The following CHCHD3 variants were observed in gnomAD, a reference collection of about 807,000 sequenced individuals.
CHCHD3 encodes MICOS complex subunit MIC19.
In CHCHD3, 20 loss-of-function variants were observed where a neutral mutation model predicts 38.2. That is an observed-to-expected ratio of 0.52 (90% CI 0.37 to 0.76). The LOEUF is 0.76. Among genes scored for constraint, CHCHD3 ranks in the 30% least tolerant of loss-of-function variants. The pLI is 0.00. For missense variants in CHCHD3, 245 were observed against 279.2 expected, an observed-to-expected ratio of 0.88 and a Z score of 0.87; for synonymous variants, 82 against 100.0, an observed-to-expected ratio of 0.82 and a Z score of 1.07.
At chr7:132,910,758 G>T (rs1427390415) in intron 4 of CHCHD3, among the ~76,000 whole-genome samples, 1 of 152,214 alleles carries the variant, frequency 6.6e-6, no homozygotes. Context: ...AGGCAAGGAT[G>T]TCACTGCTCC....
chr7:132,852,034 G>A (rs1218346303), intron 5 of CHCHD3, among the ~76,000 whole-genome samples: 6 of 152,150 alleles, frequency 3.9e-5, no homozygotes, highest in African/African-American at 1.2e-4. Context: ...TAAATGATCA[G>A]CCTTACCGTA....
intron 4 of CHCHD3, among the ~76,000 whole-genome samples, chr7:132,888,501 G>A (rs1440478206): frequency 6.6e-6 from 1 of 151,798 alleles, no homozygotes; most frequent in Non-Finnish European, 1.5e-5. Flanking sequence ...AACTATAAAT[G>A]TGTGAATGTG....
intron 2 of CHCHD3, among the ~76,000 whole-genome samples, chr7:133,064,764 A>T (rs1267308408): frequency 8.5e-5 from 13 of 152,236 alleles, no homozygotes; most frequent in Non-Finnish European, 1.2e-4. Flanking sequence ...AGAAACTTCT[A>T]CAGTGAGGAT....
At chr7:132,954,891 A>C (rs1159421009) in intron 4 of CHCHD3, among the ~76,000 whole-genome samples, 1 of 152,200 alleles carries the variant, frequency 6.6e-6, no homozygotes, top group East Asian at 1.9e-4. Flanking sequence ...CACAGACTGC[A>C]TGTGTCTCAA....
chr7:132,957,863 C>G (rs892309930), intron 4 of CHCHD3, among the ~76,000 whole-genome samples: 1 of 152,186 alleles, frequency 6.6e-6, no homozygotes, highest in African/African-American at 2.4e-5. Flanking sequence ...GAAACAACTT[C>G]AGGCCACCTA....
chr7:133,014,557 C>CTT (rs35398303), intron 3 of CHCHD3, among the ~76,000 whole-genome samples: 102,021 of 151,274 alleles, frequency 0.67, 34,524 homozygotes, highest in Admixed American at 0.72. Flanking sequence ...AATGTGATGA[C>CTT]TGACTATCAT....
intron 3 of CHCHD3, among the ~76,000 whole-genome samples, chr7:132,987,165 T>C (rs1172744832): frequency 1.3e-5 from 2 of 152,114 alleles, no homozygotes; most frequent in East Asian, 1.9e-4. Flanking sequence ...TTTCAGCCTA[T>C]AGATTAGGGG....
chr7:132,957,012 T>C (rs1811191448), intron 4 of CHCHD3, among the ~76,000 whole-genome samples: 1 of 152,164 alleles, frequency 6.6e-6, no homozygotes, highest in Admixed American at 6.5e-5. Context: ...CCACCCTCAG[T>C]GTAACTGCTA....
intron 4 of CHCHD3, among the ~76,000 whole-genome samples, chr7:132,933,109 G>A (rs974576627): frequency 6.6e-6 from 1 of 152,198 alleles, no homozygotes; most frequent in African/African-American, 2.4e-5. Flanking sequence ...TCCGTTCTGA[G>A]TTAGATGAAA....
At chr7:132,857,836 CT>C (rs1808380418) in intron 5 of CHCHD3, among the ~76,000 whole-genome samples, 1 of 152,178 alleles carries the variant, frequency 6.6e-6, no homozygotes, top group African/African-American at 2.4e-5. Flanking sequence ...TTAGATACCC[CT>C]GTGTTGAAAG....
intron 4 of CHCHD3, among the ~76,000 whole-genome samples, chr7:132,897,909 G>A (rs1325727444): frequency 6.6e-6 from 1 of 152,182 alleles, no homozygotes; most frequent in African/African-American, 2.4e-5. Flanking sequence ...CTTAAAGGCA[G>A]CGTGTCCGGA....
At chr7:132,972,644 A>G (rs1308266731) in intron 4 of CHCHD3, 2 of 985,344 alleles carry the variant, frequency 2.0e-6, no homozygotes, top group East Asian at 2.3e-4. Flanking sequence ...TGCTGTGGCC[A>G]TGGCAGACCA....
At chr7:132,823,798 A>G (rs1190274594) in intron 6 of CHCHD3, among the ~76,000 whole-genome samples, 1 of 152,240 alleles carries the variant, frequency 6.6e-6, no homozygotes, top group African/African-American at 2.4e-5. Flanking sequence ...ATTCATTGCA[A>G]TGACACAAAG....
chr7:132,912,382 T>C (rs1240103960), intron 4 of CHCHD3, among the ~76,000 whole-genome samples: 6 of 152,192 alleles, frequency 3.9e-5, no homozygotes, highest in African/African-American at 1.2e-4. Flanking sequence ...GATAAACTAC[T>C]AGTGGTTAAA....
intron 2 of CHCHD3, among the ~76,000 whole-genome samples, chr7:133,027,359 T>C (rs1051359650): frequency 1.2e-5 from 1 of 81,720 alleles, no homozygotes; most frequent in Non-Finnish European, 2.7e-5. Context: ...CCTTAATAAG[T>C]TGTAAGAGAG....
chr7:133,082,024 G>T lies in CHCHD3; in HGVS notation c.-87C>A, dbSNP rs778086944. On this transcript the variant is annotated 5_prime_UTR_variant, in exon 1 of 8. Coordinates refer to ENST00000262570, the MANE Select transcript of CHCHD3 (RefSeq NM_017812.4). Reference sequence around the variant, plus strand: ...CACCCACACGCGCGTGGAAGGGCCTGGATTCTTTTCCCGCACAGCGGGAGC... The same window carrying T: ...CACCCACACGCGCGTGGAAGGGCCTTGATTCTTTTCCCGCACAGCGGGAGC... 7.7e-5 allele frequency: 95 copies of T among 1,237,480 alleles called. No individual in the cohort carries two copies. Among genetic ancestry groups the T allele is most frequent in the Non-Finnish European group, 1.0e-4 (91 of 908,244 alleles). 76.7% of individuals were successfully genotyped at this position (1,237,480 alleles called of 1,614,324 possible). A position where few individuals can be genotyped will look rare whatever the true frequency, so the allele number is the denominator to read the frequency against.
chr7:133,078,002 GA>G (rs1194651557), intron 1 of CHCHD3, among the ~76,000 whole-genome samples: 1 of 152,122 alleles, frequency 6.6e-6, no homozygotes, highest in Non-Finnish European at 1.5e-5. Flanking sequence ...ACAATATAGA[GA>G]AACACAATCT....
chr7:133,061,915 A>G (rs1814530107), intron 2 of CHCHD3, among the ~76,000 whole-genome samples: 1 of 152,150 alleles, frequency 6.6e-6, no homozygotes, highest in South Asian at 2.1e-4. Flanking sequence ...GCTGTCAACA[A>G]AGTGTCAAGT....
chr7:132,794,840 T>A (rs944572390), intron 7 of CHCHD3, among the ~76,000 whole-genome samples: 2 of 152,198 alleles, frequency 1.3e-5, no homozygotes, highest in African/African-American at 4.8e-5. Context: ...TACCCCAATT[T>A]ACAGATGAGA....
Sources: allele counts gnomAD v4.1 joint callset (sites outside exome capture counted in the v4.1 genomes callset), GRCh38; gene constraint gnomAD v4.1.1; transcripts MANE v1.5; gene names NCBI Gene and HGNC (gene_info 2026-07-23, HGNC 2026-07-21).